SPAG16: variants seen among roughly 807,000 people sequenced by gnomAD.
The protein encoded by SPAG16 is sperm associated antigen 16.
In SPAG16, 86 loss-of-function variants were observed where a neutral mutation model predicts 80.4. That is an observed-to-expected ratio of 1.07 (90% CI 0.90 to 1.28). SPAG16 has a LOEUF of 1.28. SPAG16 is among the 50% of genes most tolerant of loss of function. The pLI, the probability that SPAG16 is intolerant of heterozygous loss-of-function variation, is 0.00. For synonymous variants in SPAG16, 294 were observed against 265.9 expected, an observed-to-expected ratio of 1.11 and a Z score of -1.03; for missense variants, 870 against 765.3, an observed-to-expected ratio of 1.14 and a Z score of -1.61.
At chr2:213,650,902 G>A (rs1463890616) in intron 10 of SPAG16, among the ~76,000 whole-genome samples, 1 of 152,070 alleles carries the variant, frequency 6.6e-6, no homozygotes, top group Non-Finnish European at 1.5e-5. Context: ...CCCCAAATTT[G>A]AGAAAAATGA....
intron 12 of SPAG16, among the ~76,000 whole-genome samples, chr2:213,983,400 C>T (rs1370901539): frequency 6.6e-6 from 1 of 151,872 alleles, no homozygotes; most frequent in Non-Finnish European, 1.5e-5. Flanking sequence ...TTATGCCAAA[C>T]TGTGGTATTG....
chr2:213,767,773 A>G (rs2069020646), intron 10 of SPAG16, among the ~76,000 whole-genome samples: 1 of 152,120 alleles, frequency 6.6e-6, no homozygotes, highest in Non-Finnish European at 1.5e-5. Flanking sequence ...CCACTGGAAT[A>G]ACTTAAAATT....
chr2:213,964,511 ATTC>A (rs904120173), intron 12 of SPAG16, among the ~76,000 whole-genome samples: 1 of 152,082 alleles, frequency 6.6e-6, no homozygotes, highest in Non-Finnish European at 1.5e-5. Flanking sequence ...TTGGTTAAAA[ATTC>A]TTCTTTTTTT....
At chr2:214,191,740 AAAG>A (rs1209620542) in intron 15 of SPAG16, among the ~76,000 whole-genome samples, 3 of 151,032 alleles carry the variant, frequency 2.0e-5, no homozygotes, top group African/African-American at 7.3e-5. Flanking sequence ...AAAAAAAAAA[AAAG>A]GAAAAACCAG....
chr2:213,284,632 T>G lies in SPAG16; in HGVS notation c.136+13T>G, dbSNP rs199819243. ...TACTACCTGGAACGTATCCTTCCCG[T>G]GGAGGCGCGGCCCGCTGCGCTGGCG... is the stretch of plus-strand genomic sequence containing the variant. On this transcript the variant is annotated intron_variant, in intron 1 of 15. Transcript: ENST00000331683. 11 of 1,602,716 alleles carry G rather than the reference T, an allele frequency of 6.9e-6. No homozygotes were observed. In the East Asian group the frequency reaches 2.5e-4, roughly 36 times the overall value.
intron 13 of SPAG16, among the ~76,000 whole-genome samples, chr2:214,036,030 A>G (rs1461331510): frequency 6.6e-6 from 1 of 152,202 alleles, no homozygotes; most frequent in Non-Finnish European, 1.5e-5. Context: ...TACTACCAAG[A>G]TGGTTGTTAT....
intron 9 of SPAG16, among the ~76,000 whole-genome samples, chr2:213,376,936 G>A (rs560470245): frequency 2.0e-4 from 30 of 152,024 alleles, no homozygotes; most frequent in Non-Finnish European, 3.4e-4. Flanking sequence ...ATAAACAGTC[G>A]CTCTCTTCTA....
chr2:213,819,462 G>A (rs1158641246), intron 10 of SPAG16, among the ~76,000 whole-genome samples: 2 of 151,990 alleles, frequency 1.3e-5, no homozygotes, highest in South Asian at 2.1e-4. Context: ...ACTATTTTAT[G>A]TTCACTCTTA....
chr2:214,177,382 AT>A (rs1471399478), intron 15 of SPAG16, among the ~76,000 whole-genome samples: 1 of 151,102 alleles, frequency 6.6e-6, no homozygotes, highest in Non-Finnish European at 1.5e-5. Context: ...TGACAGTTCC[AT>A]TTTTTAAAAT....
rs540547595 is a variant in SPAG16, at chr2:214,220,022, C to A, written c.1720+70756C>A. Among the ~76,000 whole-genome samples, 9 of 152,048 alleles carry A rather than the reference C, an allele frequency of 5.9e-5. No homozygotes were observed. The South Asian group carries it at 1.9e-3, about 32-fold the overall frequency. On this transcript the variant is annotated intron_variant, in intron 15 of 15. Transcript: ENST00000331683. ...TTTTTTTATTGATACTCCTTCATAT[C>A]TAATAGTTTATAAGGACATTTTACA... is the stretch of plus-strand genomic sequence containing the variant.
intron 15 of SPAG16, among the ~76,000 whole-genome samples, chr2:214,210,839 G>GCACACA (rs58316951): frequency 9.1e-4 from 136 of 149,514 alleles, no homozygotes; most frequent in African/African-American, 3.2e-3. Context: ...ATGCGCGCGC[G>GCACACA]CACACACACA....
At chr2:213,391,790 T>C (rs2125297460) in intron 9 of SPAG16, among the ~76,000 whole-genome samples, 1 of 152,350 alleles carries the variant, frequency 6.6e-6, no homozygotes, top group South Asian at 2.1e-4. Context: ...TTAACTACTT[T>C]AGCCATTTTA....
At chr2:214,143,168 GCTTT>G (rs2055451094) in intron 14 of SPAG16, among the ~76,000 whole-genome samples, 2 of 150,030 alleles carry the variant, frequency 1.3e-5, no homozygotes, top group South Asian at 4.2e-4. Context: ...ACTTAATTAA[GCTTT>G]CTGTGGCTCA....
chr2:213,436,252 G>A (rs1294537879), intron 9 of SPAG16, among the ~76,000 whole-genome samples: 3 of 152,136 alleles, frequency 2.0e-5, no homozygotes, highest in Non-Finnish European at 4.4e-5. Flanking sequence ...AATTTCTAGC[G>A]GTTTTCACAT....
intron 10 of SPAG16, among the ~76,000 whole-genome samples, chr2:213,710,116 T>C (rs1216485824): frequency 6.6e-6 from 1 of 151,968 alleles, no homozygotes; most frequent in African/African-American, 2.4e-5. Flanking sequence ...TCGTCTCTAC[T>C]AAAAAATAAT....
At chr2:213,930,847 A>T (rs929759989) in intron 12 of SPAG16, among the ~76,000 whole-genome samples, 1 of 152,142 alleles carries the variant, frequency 6.6e-6, no homozygotes, top group Non-Finnish European at 1.5e-5. Flanking sequence ...CCTTCAGCTA[A>T]GGGGTTATAT....
intron 12 of SPAG16, among the ~76,000 whole-genome samples, chr2:214,011,871 C>T (rs151012711): frequency 6.6e-6 from 1 of 152,116 alleles, no homozygotes; most frequent in East Asian, 1.9e-4. Context: ...CTCAAAAATG[C>T]TGACATTTAA....
At chr2:213,719,695 T>A (rs1346989716) in intron 10 of SPAG16, among the ~76,000 whole-genome samples, 1 of 152,122 alleles carries the variant, frequency 6.6e-6, no homozygotes, top group Non-Finnish European at 1.5e-5. Flanking sequence ...CAACAGATGC[T>A]GGAGAGGATG....
intron 15 of SPAG16, among the ~76,000 whole-genome samples, chr2:214,218,967 C>A (rs186092686): frequency 1.4e-3 from 209 of 152,004 alleles, no homozygotes; most frequent in Admixed American, 2.7e-3. Flanking sequence ...TGAAAAATGG[C>A]CTTGGGAAAT....
Sources: allele counts gnomAD v4.1 joint callset (sites outside exome capture counted in the v4.1 genomes callset), GRCh38; gene constraint gnomAD v4.1.1; transcripts MANE v1.5; gene names NCBI Gene and HGNC (gene_info 2026-07-23, HGNC 2026-07-21).